SEMA3E: variants seen among roughly 807,000 people sequenced by gnomAD.
The protein encoded by SEMA3E is semaphorin 3E.
A neutral mutation model predicts 93.6 loss-of-function variants in SEMA3E; 49 were observed. That is an observed-to-expected ratio of 0.52 (90% CI 0.42 to 0.66). SEMA3E has a LOEUF of 0.66. SEMA3E is among the 30% of genes least tolerant of loss of function. SEMA3E has a pLI of 0.00. For missense variants in SEMA3E, 906 were observed against 964.8 expected (o/e 0.94, Z 0.81); for synonymous variants, 363 against 330.7 (o/e 1.10, Z -1.06).
intron 4 of SEMA3E, among the ~76,000 whole-genome samples, chr7:83,430,850 T>C (rs1788866568): frequency 6.6e-6 from 1 of 151,850 alleles, no homozygotes; most frequent in South Asian, 2.1e-4. Flanking sequence ...AAAATAAAAA[T>C]GAAAGAAAAA....
chr7:83,579,386 G>A (rs215294), intron 1 of SEMA3E, among the ~76,000 whole-genome samples: 64,644 of 151,804 alleles, frequency 0.43, 14,804 homozygotes, highest in African/African-American at 0.6. Flanking sequence ...ATTCAAAAGT[G>A]CTTAAATTTA....
intron 4 of SEMA3E, among the ~76,000 whole-genome samples, chr7:83,442,460 T>C (rs746036572): frequency 2.0e-5 from 3 of 152,320 alleles, no homozygotes; most frequent in Middle Eastern, 3.4e-3. Flanking sequence ...CCTTTACTTT[T>C]ATACTCTCAC....
At chr7:83,581,227 T>C (rs905154663) in intron 1 of SEMA3E, among the ~76,000 whole-genome samples, 1 of 152,016 alleles carries the variant, frequency 6.6e-6, no homozygotes, top group Non-Finnish European at 1.5e-5. Flanking sequence ...ACTCAACACG[T>C]ATTTACCAAA....
intron 1 of SEMA3E, among the ~76,000 whole-genome samples, chr7:83,585,466 C>T (rs895418296): frequency 6.6e-6 from 1 of 152,018 alleles, no homozygotes; most frequent in African/African-American, 2.4e-5. Context: ...TGATTGAATG[C>T]CGTTTATGCC....
intron 4 of SEMA3E, among the ~76,000 whole-genome samples, chr7:83,434,597 C>A (rs1439321370): frequency 6.6e-6 from 1 of 152,024 alleles, no homozygotes; most frequent in Non-Finnish European, 1.5e-5. Flanking sequence ...GATAAATGTG[C>A]ACAATAAACC....
At chr7:83,526,695 A>G (rs1246344828) in intron 1 of SEMA3E, among the ~76,000 whole-genome samples, 3 of 152,084 alleles carry the variant, frequency 2.0e-5, no homozygotes, top group African/African-American at 7.2e-5. Flanking sequence ...TTAAGTTGCT[A>G]TTGTTTTCTA....
intron 1 of SEMA3E, among the ~76,000 whole-genome samples, chr7:83,600,520 T>TTTTTC (rs1491511606): frequency 1.9e-5 from 2 of 107,458 alleles, no homozygotes; most frequent in Non-Finnish European, 3.7e-5. Context: ...TTTTTTTTTT[T>TTTTTC]GTATTTTTAG....
At chr7:83,502,994 A>T (rs1790623479) in intron 1 of SEMA3E, among the ~76,000 whole-genome samples, 1 of 145,286 alleles carries the variant, frequency 6.9e-6, no homozygotes, top group Non-Finnish European at 1.5e-5. Context: ...GCAAATATAT[A>T]TGAGTTTCTT....
chr7:83,402,141 G>C (rs1024110272), intron 10 of SEMA3E, among the ~76,000 whole-genome samples: 14 of 151,972 alleles, frequency 9.2e-5, no homozygotes, highest in Non-Finnish European at 2.1e-4. Context: ...AGGAGATAGA[G>C]AAAAAAACTT....
intron 4 of SEMA3E, among the ~76,000 whole-genome samples, chr7:83,450,581 T>C (rs759403163): frequency 2.0e-5 from 3 of 152,080 alleles, no homozygotes; most frequent in Non-Finnish European, 4.4e-5. Flanking sequence ...GAAATCATAA[T>C]AGTGTTTATT....
At chr7:83,371,765 A>T (rs2116897517) in intron 16 of SEMA3E, 1 of 152,186 alleles carries the variant, frequency 6.6e-6, no homozygotes, top group Non-Finnish European at 1.5e-5. Context: ...TACTCTGAAC[A>T]TACTCTTTTT....
At chr7:83,513,797 C>T (rs1790873539) in intron 1 of SEMA3E, among the ~76,000 whole-genome samples, 2 of 152,006 alleles carry the variant, frequency 1.3e-5, no homozygotes, top group East Asian at 1.9e-4. Context: ...AAATAAATGC[C>T]GTGCTATATT....
In SEMA3E at chr7:83,370,107, A is replaced by G. The variant is rs1794730798; in HGVS notation, c.1876-2069T>C. 3.3e-5 allele frequency among the ~76,000 whole-genome samples: 5 copies of G among 151,986 alleles called. 1 individual carries two copies. Among genetic ancestry groups the G allele is most frequent in the Admixed American group, 3.3e-4 (5 of 15,236 alleles). On this transcript the variant is annotated intron_variant, in intron 16 of 16. Coordinates refer to ENST00000643230, the MANE Select transcript of SEMA3E (RefSeq NM_012431.3). ...CCATCCTTCACTGATCTTACATTTTATTTCCATCCATTTGATAGTACTTTT... is the reference window on the plus strand; with the variant it reads ...CCATCCTTCACTGATCTTACATTTTGTTTCCATCCATTTGATAGTACTTTT...
At chr7:83,427,283 CATTTTT>C (rs1186455736) in intron 4 of SEMA3E, among the ~76,000 whole-genome samples, 1 of 150,940 alleles carries the variant, frequency 6.6e-6, no homozygotes, top group African/African-American at 2.4e-5. Context: ...CTGAGCTTTT[CATTTTT>C]ATCAAATTAC....
chr7:83,444,960 C>T (rs373509666), intron 4 of SEMA3E, among the ~76,000 whole-genome samples: 4 of 152,078 alleles, frequency 2.6e-5, no homozygotes, highest in African/African-American at 7.2e-5. Flanking sequence ...CGTGAGCCAC[C>T]GTGACCAGCC....
intron 1 of SEMA3E, among the ~76,000 whole-genome samples, chr7:83,554,541 T>TC (rs1456725020): frequency 1.3e-5 from 2 of 151,834 alleles, no homozygotes; most frequent in African/African-American, 4.8e-5. Context: ...GGGGCAGTTT[T>TC]TTTTAACCCA....
chr7:83,409,027 G>C lies in SEMA3E; in HGVS notation c.551-540C>G, dbSNP rs901892429. 2.6e-5 allele frequency among the ~76,000 whole-genome samples: 4 copies of C among 152,148 alleles called. No individual in the cohort carries two copies. In the East Asian group the frequency reaches 7.7e-4, roughly 29 times the overall value. ...CAAAGATGATATAATCCAATCAGTT[G>C]TCATTCAATTTGTAAATTTGTGGCT... On this transcript the variant is annotated intron_variant, in intron 5 of 16. Coordinates refer to ENST00000643230, the MANE Select transcript of SEMA3E (RefSeq NM_012431.3).
At chr7:83,580,457 T>G (rs1792496655) in intron 1 of SEMA3E, among the ~76,000 whole-genome samples, 1 of 151,960 alleles carries the variant, frequency 6.6e-6, no homozygotes, top group Non-Finnish European at 1.5e-5. Context: ...CTCTGGTCAT[T>G]TACTGTCTAT....
intron 1 of SEMA3E, among the ~76,000 whole-genome samples, chr7:83,539,666 C>A (rs1206869751): frequency 6.6e-6 from 1 of 152,104 alleles, no homozygotes; most frequent in Non-Finnish European, 1.5e-5. Context: ...CTAATGTCAT[C>A]ACTGCCATGT....
Sources: allele counts gnomAD v4.1 joint callset (sites outside exome capture counted in the v4.1 genomes callset), GRCh38; gene constraint gnomAD v4.1.1; transcripts MANE v1.5; gene names NCBI Gene and HGNC (gene_info 2026-07-23, HGNC 2026-07-21).